RNF220: variants seen among roughly 807,000 people sequenced by gnomAD.
The protein encoded by RNF220 is ring finger protein 220.
In RNF220, 7 loss-of-function variants were observed where a neutral mutation model predicts 67.1. The observed-to-expected ratio is 0.10, with a 90% CI of 0.06 to 0.20. RNF220 has a LOEUF of 0.20. Ranked by LOEUF, RNF220 falls within the 10% of genes least tolerant of loss-of-function variation. RNF220 has a pLI of 1.00. For synonymous variants in RNF220, 270 were observed against 283.2 expected (o/e 0.95, Z 0.47); for missense variants, 565 against 740.3 (o/e 0.76, Z 2.75).
intron 2 of RNF220, among the ~76,000 whole-genome samples, chr1:44,519,858 C>T (rs1181954117): frequency 1.3e-5 from 2 of 151,964 alleles, no homozygotes; most frequent in East Asian, 3.9e-4. Context: ...GCCTTGTCTG[C>T]CATAATGGAG....
intron 2 of RNF220, among the ~76,000 whole-genome samples, chr1:44,537,520 AT>A (rs1661327162): frequency 1.3e-5 from 2 of 152,308 alleles, no homozygotes; most frequent in Non-Finnish European, 2.9e-5. Flanking sequence ...AGGGGGATCC[AT>A]AGACTTCTTG....
intron 2 of RNF220, among the ~76,000 whole-genome samples, chr1:44,511,962 G>A (rs916109186): frequency 8.0e-6 from 1 of 125,406 alleles, no homozygotes; most frequent in Non-Finnish European, 1.7e-5. Flanking sequence ...TATGCCTAAG[G>A]GCCAAACCAC....
intron 2 of RNF220, among the ~76,000 whole-genome samples, chr1:44,610,668 G>A (rs1039918267): frequency 3.3e-5 from 5 of 152,168 alleles, no homozygotes; most frequent in African/African-American, 1.2e-4. Context: ...TGGTGGGCTC[G>A]GCCTGCCCAC....
At chr1:44,567,330 A>C (rs1188351885) in intron 2 of RNF220, among the ~76,000 whole-genome samples, 3 of 152,084 alleles carry the variant, frequency 2.0e-5, no homozygotes, top group Non-Finnish European at 4.4e-5. Context: ...GGGTGAAGGG[A>C]GGAGCATGTG....
At chr1:44,526,108 C>A (rs1436866463) in intron 2 of RNF220, among the ~76,000 whole-genome samples, 3 of 152,198 alleles carry the variant, frequency 2.0e-5, no homozygotes, top group African/African-American at 7.2e-5. Flanking sequence ...TTCTGTCCCA[C>A]CTGTTTGCCT....
intron 2 of RNF220, among the ~76,000 whole-genome samples, chr1:44,549,913 G>C (rs1315655111): frequency 6.6e-6 from 1 of 152,146 alleles, no homozygotes; most frequent in Admixed American, 6.5e-5. Flanking sequence ...GATTTCATTG[G>C]TTTATTTATC....
At chr1:44,424,830 C>T (rs1189949432) in intron 2 of RNF220, among the ~76,000 whole-genome samples, 2 of 152,184 alleles carry the variant, frequency 1.3e-5, no homozygotes, top group Non-Finnish European at 2.9e-5. Context: ...TCTGGAGGTG[C>T]TTGGCCAGAT....
Position 44,649,949 on chromosome 1 carries a change from C to G in RNF220, c.1621C>G (p.Arg541Gly), listed in dbSNP as rs1169068593. ...CGTGCACTGCGAGGAGTGCTGGCTG[C>G]GGACCCTGGTGAGGTGGCATGGGGG... ...WHVHCEECWL[R>G]TLGAKKLCPQ... Residue 541 changes from arginine (R) to glycine (G), a missense_variant, in exon 14 of 15, where the codon CGG becomes GGG. By Grantham distance (125) the Arg-to-Gly change is moderately radical (BLOSUM62 -2). Coordinates refer to ENST00000361799, the MANE Select transcript of RNF220 (RefSeq NM_018150.4). The surrounding 1 kb of genome is among the most constrained non-coding windows in gnomAD (Gnocchi z 5.9). The G allele has an allele frequency of 6.2e-7, 1 of 1,613,502 alleles. No individual in the cohort carries two copies. Among genetic ancestry groups the G allele is most frequent in the Non-Finnish European group, 8.5e-7 (1 of 1,179,882 alleles).
chr1:44,437,205 T>C (rs1651067115), intron 2 of RNF220, among the ~76,000 whole-genome samples: 1 of 152,168 alleles, frequency 6.6e-6, no homozygotes, highest in Non-Finnish European at 1.5e-5. Context: ...TGTTTCCAAG[T>C]GAGCAGCTAA....
Position 44,622,723 on chromosome 1 carries a change from T to A in RNF220, c.759-19T>A, listed in dbSNP as rs1240821933. ...GGCAGCAGGTAGAATGGTTACCCTG[T>A]TCTCTTCTTTCTTGGCAGCAAGAAT... On this transcript the variant is annotated intron_variant, in intron 3 of 14. Transcript: ENST00000361799. The surrounding 1 kb of genome is among the most constrained non-coding windows in gnomAD (Gnocchi z 4.3). 1 of 1,613,128 alleles carries A rather than the reference T, an allele frequency of 6.2e-7. No individual in the cohort carries two copies. Among genetic ancestry groups the A allele is most frequent in the South Asian group, 1.1e-5 (1 of 91,008 alleles).
intron 3 of RNF220, among the ~76,000 whole-genome samples, chr1:44,619,453 C>T (rs1464206475): frequency 1.3e-5 from 2 of 152,138 alleles, no homozygotes; most frequent in Non-Finnish European, 2.9e-5. Flanking sequence ...ATAAACAATT[C>T]CCCAAATAGA....
intron 1 of RNF220, among the ~76,000 whole-genome samples, chr1:44,409,125 T>C (rs576344238): frequency 6.6e-6 from 1 of 152,318 alleles, no homozygotes; most frequent in South Asian, 2.1e-4. Context: ...CAATTAGTAA[T>C]CTCACTAATT....
chr1:44,502,741 C>T (rs992586592), intron 2 of RNF220, among the ~76,000 whole-genome samples: 3 of 149,864 alleles, frequency 2.0e-5, no homozygotes, highest in Admixed American at 6.7e-5. Flanking sequence ...TACAGAAAAA[C>T]GTGTGAATTA....
intron 2 of RNF220, among the ~76,000 whole-genome samples, chr1:44,544,075 C>A (rs1478257071): frequency 6.6e-6 from 1 of 152,248 alleles, no homozygotes; most frequent in Non-Finnish European, 1.5e-5. Flanking sequence ...CCTGTCCCAT[C>A]TTCCTCCTCA....
chr1:44,638,961 C>CT (rs1347423035), intron 8 of RNF220, among the ~76,000 whole-genome samples: 1 of 152,190 alleles, frequency 6.6e-6, no homozygotes, highest in Non-Finnish European at 1.5e-5. Context: ...AGCTGTGTGT[C>CT]TAAGTTGTTG....
intron 2 of RNF220, among the ~76,000 whole-genome samples, chr1:44,463,624 G>T (rs1267010589): frequency 6.6e-6 from 1 of 151,684 alleles, no homozygotes; most frequent in Non-Finnish European, 1.5e-5. Context: ...CTCCTTATCT[G>T]CCTGGCTTTA....
intron 2 of RNF220, among the ~76,000 whole-genome samples, chr1:44,528,878 T>A (rs1189777058): frequency 6.6e-6 from 1 of 152,074 alleles, no homozygotes; most frequent in Non-Finnish European, 1.5e-5. Context: ...CCTCCCAAAG[T>A]GCTGGGATTA....
chr1:44,562,567 A>G (rs1663658004), intron 2 of RNF220, among the ~76,000 whole-genome samples: 1 of 152,174 alleles, frequency 6.6e-6, no homozygotes, highest in South Asian at 2.1e-4. Context: ...CAGTCTCTCT[A>G]GCCATGTTGT....
In RNF220 at chr1:44,566,324, AG is replaced by A. The variant is rs375650235; in HGVS notation, c.626-47839del. On this transcript the variant is annotated intron_variant, in intron 2 of 14. Coordinates refer to ENST00000361799, the MANE Select transcript of RNF220 (RefSeq NM_018150.4). ...GTTGGTTCAACAAGGAAGGGGGCTGAGGTGGGAGGTGGGTACCCAGGGGAGC... is the reference window on the plus strand; with the variant it reads ...GTTGGTTCAACAAGGAAGGGGGCTGAGTGGGAGGTGGGTACCCAGGGGAGC... Among the ~76,000 whole-genome samples, 100 of 152,212 alleles carry A rather than the reference AG, an allele frequency of 6.6e-4. 1 individual carries two copies. The East Asian group carries it at 0.011, about 17-fold the overall frequency.
Sources: allele counts gnomAD v4.1 joint callset (sites outside exome capture counted in the v4.1 genomes callset), GRCh38; gene constraint gnomAD v4.1.1; non-coding constraint Gnocchi (gnomAD v3.1); transcripts MANE v1.5; gene names NCBI Gene and HGNC (gene_info 2026-07-23, HGNC 2026-07-21).